The following SIPA1L2 variants were observed in gnomAD, a reference collection of about 807,000 sequenced individuals.
SIPA1L2 encodes the protein signal-induced proliferation-associated 1-like protein 2.
SIPA1L2 carries 56 observed loss-of-function variants against 163.9 expected under a neutral mutation model. That is an observed-to-expected ratio of 0.34 (90% confidence interval 0.28 to 0.43). The LOEUF (loss-of-function observed/expected upper bound fraction) is 0.43, where lower values mean the gene tolerates loss of function less well. SIPA1L2 is among the 20% of genes least tolerant of loss of function. The pLI, the probability that SIPA1L2 is intolerant of heterozygous loss-of-function variation, is 1.00. For synonymous variants in SIPA1L2, 877 were observed against 865.7 expected (o/e 1.01, Z -0.23); for missense variants, 1,974 against 2,193.5 (o/e 0.90, Z 2.00).
chr1:232,571,236 A>C (rs1173852533), intron 2 of SIPA1L2, among the ~76,000 whole-genome samples: 1 of 152,238 alleles, frequency 6.6e-6, no homozygotes, highest in Non-Finnish European at 1.5e-5. Flanking sequence ...TTAGAACATA[A>C]ACACTAAAAC....
At chr1:232,543,318 T>G (rs1657806679) in intron 2 of SIPA1L2, among the ~76,000 whole-genome samples, 1 of 152,226 alleles carries the variant, frequency 6.6e-6, no homozygotes, top group Admixed American at 6.5e-5. Flanking sequence ...AGCTGGCCCT[T>G]GAACACGGGT....
intron 9 of SIPA1L2, 75 bp from the exon 10 acceptor site, chr1:232,461,236 T>C (rs566632681): frequency 3.2e-6 from 5 of 1,551,780 alleles, no homozygotes; most frequent in Non-Finnish European, 3.5e-6. Context: ...GGTGCACGTA[T>C]GGGCCTCCAT....
intron 1 of SIPA1L2, among the ~76,000 whole-genome samples, chr1:232,609,377 T>G (rs1662121833): frequency 1.3e-5 from 2 of 152,212 alleles, no homozygotes. Flanking sequence ...CTGAAATTGC[T>G]TCACAATTTC....
At chr1:232,614,598 T>C (rs1263197021) in intron 1 of SIPA1L2, among the ~76,000 whole-genome samples, 2 of 152,220 alleles carry the variant, frequency 1.3e-5, no homozygotes, top group South Asian at 2.1e-4. Context: ...TGTGTTCTTA[T>C]TGCTCGGGAG....
rs374489974 is a variant in SIPA1L2 at position 232,399,114 on chromosome 1, A to T, written c.*13T>A. The T allele has an allele frequency of 4.3e-6, 7 of 1,613,926 alleles. No homozygotes were observed. The highest frequency in any genetic ancestry group is 5.1e-6 in the Non-Finnish European group (6 of 1,179,994). On this transcript the variant is annotated 3_prime_UTR_variant, in exon 23 of 23. Coordinates refer to ENST00000674635, the MANE Select transcript of SIPA1L2 (RefSeq NM_020808.5). ...GGCATTTCCCAGTGGTCCCTTGATG[A>T]GGTGCGGATTGGCTAAGATTTTTTG... is the stretch of plus-strand genomic sequence containing the variant.
At chr1:232,461,308 T>C in intron 9 of SIPA1L2, 147 bp from the exon 10 acceptor site, 2 of 966,440 alleles carry the variant, frequency 2.1e-6, no homozygotes, top group Non-Finnish European at 1.6e-6. Context: ...TTCCTCAAAC[T>C]GTCCAAGTGA....
chr1:232,402,637 A>C (rs1660414231), intron 21 of SIPA1L2, 164 bp from the exon 22 acceptor site: 1 of 536,570 alleles, frequency 1.9e-6, no homozygotes. Flanking sequence ...GATCTAGTGG[A>C]AAGCCCATTC....
chr1:232,551,922 C>T (rs142184132), intron 2 of SIPA1L2, among the ~76,000 whole-genome samples: 2,394 of 152,280 alleles, frequency 0.016, 56 homozygotes, highest in African/African-American at 0.054. Context: ...TCACTGCAAC[C>T]TCTGCCTCCT....
chr1:232,539,880 A>C (rs1465386656), intron 2 of SIPA1L2, among the ~76,000 whole-genome samples: 2 of 152,158 alleles, frequency 1.3e-5, no homozygotes, highest in Non-Finnish European at 2.9e-5. Context: ...TTCTGTGTGG[A>C]CTACAAGGTC....
chr1:232,480,154 C>CGTGTGTGTGCGTGT (rs1553296473), intron 6 of SIPA1L2, among the ~76,000 whole-genome samples: 1 of 132,740 alleles, frequency 7.5e-6, no homozygotes, highest in African/African-American at 3.0e-5. Context: ...TGTGTGTGTG[C>CGTGTGTGTGCGTGT]GTGTGTGTGT....
intron 1 of SIPA1L2, among the ~76,000 whole-genome samples, chr1:232,586,048 T>C (rs1660638223): frequency 6.6e-6 from 1 of 152,116 alleles, no homozygotes. Context: ...AAGAAGATAA[T>C]ATTTACTTAG....
chr1:232,499,192 C>T (rs933526268), intron 3 of SIPA1L2, among the ~76,000 whole-genome samples: 4 of 152,112 alleles, frequency 2.6e-5, no homozygotes, highest in African/African-American at 9.7e-5. Flanking sequence ...AAGAGTCACA[C>T]CTGTTTCACT....
At chr1:232,487,314 G>C (rs1228183452) in intron 5 of SIPA1L2, among the ~76,000 whole-genome samples, 1 of 152,182 alleles carries the variant, frequency 6.6e-6, no homozygotes, top group Non-Finnish European at 1.5e-5. Context: ...GCATATCTTT[G>C]AGTGTGCAAT....
At chr1:232,548,705 G>A (rs1472628262) in intron 2 of SIPA1L2, among the ~76,000 whole-genome samples, 3 of 152,174 alleles carry the variant, frequency 2.0e-5, no homozygotes, top group Non-Finnish European at 2.9e-5. Flanking sequence ...CACAGTCTTG[G>A]AGGTAGTGTA....
rs573531350 is a variant in SIPA1L2, at chr1:232,591,749, G to A, written c.-318-17527C>T. Among the ~76,000 whole-genome samples the A allele has an allele frequency of 2.7e-3, 407 of 152,292 alleles. 2 individuals carry two copies. The highest frequency in any genetic ancestry group is 8.2e-3 in the African/African-American group (340 of 41,564). ...GACAAGGAGAGAGGAAAATGCTTCC[G>A]AGCCCTTGTACCAATAAACTCCTGA... On this transcript the variant is annotated intron_variant, in intron 1 of 22. Coordinates refer to ENST00000674635, the MANE Select transcript of SIPA1L2 (RefSeq NM_020808.5).
At chr1:232,555,285 A>G (rs145432368) in intron 2 of SIPA1L2, among the ~76,000 whole-genome samples, 1 of 152,322 alleles carries the variant, frequency 6.6e-6, no homozygotes, top group African/African-American at 2.4e-5. Flanking sequence ...AGAGTGGGAG[A>G]GCAGGTATTT....
chr1:232,415,737 A>G, intron 18 of SIPA1L2, 112 bp from the exon 19 acceptor site: 2 of 1,424,990 alleles, frequency 1.4e-6, no homozygotes, highest in Non-Finnish European at 1.9e-6. Context: ...CAGTCAGAAC[A>G]CGGGCACCAC....
At chr1:232,569,524 C>G (rs372196798) in intron 2 of SIPA1L2, among the ~76,000 whole-genome samples, 3 of 152,140 alleles carry the variant, frequency 2.0e-5, no homozygotes, top group African/African-American at 7.2e-5. Flanking sequence ...TTTTAAAAAT[C>G]GATGAAGGCC....
chr1:232,529,314 T>G (rs1667861951), intron 2 of SIPA1L2, among the ~76,000 whole-genome samples: 1 of 152,224 alleles, frequency 6.6e-6, no homozygotes, highest in African/African-American at 2.4e-5. Context: ...ATGACTCTTT[T>G]CCCCTCTAAC....
Sources: gnomAD v4.1 joint callset for allele counts (sites outside exome capture counted in the v4.1 genomes callset) on GRCh38, gnomAD v4.1.1 for gene constraint, MANE v1.5 for transcripts, NCBI Gene and HGNC (gene_info 2026-07-23, HGNC 2026-07-21) for gene names.